The following DNAH10 variants were observed in gnomAD, a reference collection of about 807,000 sequenced individuals.
DNAH10 encodes axonemal beta dynein heavy chain 10.
DNAH10 carries 348 observed loss-of-function variants against 506.6 expected under a neutral mutation model. The ratio of observed to expected loss-of-function variants is 0.69; its 90% confidence interval spans 0.63 to 0.75. DNAH10 has a LOEUF of 0.75. Ranked by LOEUF, DNAH10 falls within the 30% of genes least tolerant of loss-of-function variation. The pLI is 0.00. For synonymous variants in DNAH10, 2,059 were observed against 2,198.6 expected, an observed-to-expected ratio of 0.94 and a Z score of 1.78; for missense variants, 5,179 against 5,787.1, an observed-to-expected ratio of 0.89 and a Z score of 3.41.
intron 24 of DNAH10, among the ~76,000 whole-genome samples, chr12:123,824,465 C>T (rs748454876): frequency 9.9e-5 from 15 of 152,084 alleles, no homozygotes; most frequent in Non-Finnish European, 2.2e-4. Flanking sequence ...ACTGAGCCAC[C>T]AGTTCAGATG....
chr12:123,828,883 T>C (rs538749912), intron 25 of DNAH10, among the ~76,000 whole-genome samples: 1 of 152,224 alleles, frequency 6.6e-6, no homozygotes, highest in South Asian at 2.1e-4. Context: ...TTCGATGTAA[T>C]TTACTGTAAT....
chr12:123,847,335 T>G lies in DNAH10; in HGVS notation c.5815-626T>G, dbSNP rs148742846. ...ATCTATCTATCTATCTATCTATCTA[T>G]CTATCTATCTATCTATCTGGATATT... is the stretch of plus-strand genomic sequence containing the variant. On this transcript the variant is annotated intron_variant, in intron 32 of 78. Transcript: ENST00000673944. Among the ~76,000 whole-genome samples the G allele has an allele frequency of 4.6e-5, 7 of 152,016 alleles. No homozygotes were observed. In the East Asian group the frequency reaches 1.3e-3, roughly 29 times the overall value.
At position 123,877,796 on chromosome 12, in the gene DNAH10, T is replaced by G. The variant is rs777895410; in HGVS notation, c.8260T>G (p.Tyr2754Asp). 5 of 1,613,918 alleles carry G rather than the reference T, an allele frequency of 3.1e-6. No homozygotes were observed. The highest frequency in any genetic ancestry group is 4.2e-6 in the Non-Finnish European group (5 of 1,179,904). Residue 2754 changes from tyrosine (Y) to aspartate (D), a missense_variant, in exon 48 of 79, where the codon TAC (tyrosine) becomes GAC (aspartate). By Grantham distance (160) the Tyr-to-Asp change is radical. Coordinates refer to ENST00000673944, the MANE Select transcript of DNAH10 (RefSeq NM_001372106.1). ...GKLTFCTLALYKNIVQDLPPT... is the reference protein window; with the variant it reads ...GKLTFCTLALDKNIVQDLPPT... ...GCTGACATTCTGCACGCTAGCACTT[T>G]ACAAAAATATTGTGCAAGACCTACC...
rs912649476 is a variant in DNAH10, at chr12:123,762,364, C to G, written c.28C>G (p.Arg10Gly). The G allele has an allele frequency of 7.3e-7, 1 of 1,364,504 alleles. No homozygotes were observed. Among genetic ancestry groups the G allele is most frequent in the African/African-American group, 1.5e-5 (1 of 65,996 alleles). The allele number at this position is 1,364,504 out of a possible 1,614,324, so 84.5% of individuals were successfully genotyped here. ...GGACGACCTGCGGGTGCTGTGGATG[C>G]GCGACCGCGTGTATGCGGCTTTCGG... The part of the protein sequence containing the change: MDDLRVLWM[R>G]DRVYAAFGIT... The change falls in exon 1 of 79, where the codon CGC becomes GGC. Residue 10 changes from arginine to glycine, a missense_variant. Transcript: ENST00000673944. The surrounding 1 kb of genome is among the most constrained non-coding windows in gnomAD (Gnocchi z 5.0).
At chr12:123,889,288 A>G (rs1397650801) in intron 52 of DNAH10, among the ~76,000 whole-genome samples, 1 of 152,194 alleles carries the variant, frequency 6.6e-6, no homozygotes. Context: ...TTGATGTAAA[A>G]TTTACATACA....
chr12:123,813,586 ACTT>A lies in DNAH10; in HGVS notation c.3570_3572del (p.Leu1191del), dbSNP rs1959027749. On this transcript the variant is annotated inframe_deletion, in exon 20 of 79. Coordinates refer to ENST00000673944, the MANE Select transcript of DNAH10 (RefSeq NM_001372106.1). ...AGTCCTGGGTGATTTCGCTTGGAAA[ACTT>A]CTCAATGAGTCAGCAAAAGAGGAGC... The A allele has an allele frequency of 6.2e-7, 1 of 1,614,038 alleles. No homozygotes were observed. Among genetic ancestry groups the A allele is most frequent in the Non-Finnish European group, 8.5e-7 (1 of 1,180,026 alleles).
In DNAH10 at chr12:123,804,728, C is replaced by T. The variant is rs1037067907; in HGVS notation, c.2780-105C>T. Reference sequence around the variant, plus strand: ...TTCTGCTTTGGGCTGAGGTTGGAGGCTGGTTTTGGTTTTTTTAAGACACAC... The same window carrying T: ...TTCTGCTTTGGGCTGAGGTTGGAGGTTGGTTTTGGTTTTTTTAAGACACAC... On this transcript the variant is annotated intron_variant, in intron 17 of 78. Coordinates refer to ENST00000673944, the MANE Select transcript of DNAH10 (RefSeq NM_001372106.1). 3 of 1,055,660 alleles carry T rather than the reference C, an allele frequency of 2.8e-6. No homozygotes were observed. The African/African-American group carries it at 4.8e-5, about 17-fold the overall frequency. The allele number at this position is 1,055,660 out of a possible 1,614,324, so 65.4% of individuals were successfully genotyped here.
intron 17 of DNAH10, 84 bp from the exon 18 acceptor site, chr12:123,804,747 GAC>G: frequency 1.4e-6 from 2 of 1,396,960 alleles, no homozygotes; most frequent in African/African-American, 1.4e-5. Flanking sequence ...GTTTTTTTAA[GAC>G]ACACAGCTCA....
Position 123,933,503 on chromosome 12 carries a change from C to T in DNAH10, c.13469C>T (p.Ala4490Val), listed in dbSNP as rs374117121. 109 of 1,600,642 alleles carry T rather than the reference C, an allele frequency of 6.8e-5. 1 individual carries two copies. In the South Asian group the frequency reaches 8.1e-4, roughly 12 times the overall value. The change falls in exon 77 of 79, where the codon GCG becomes GTG. Residue 4490 changes from alanine to valine, a missense_variant. By Grantham distance (64) the Ala-to-Val change is moderately conservative (BLOSUM62 0). Around this residue, in one of 3 missense-constraint regions of DNAH10, gnomAD observed 4,844 missense variants for 5,430.5 expected, o/e 0.89. Coordinates refer to ENST00000673944, the MANE Select transcript of DNAH10 (RefSeq NM_001372106.1). ...FQDADEVNER[A>V]GQGCFVSGLY... is the part of the protein sequence containing the mutation. Reference sequence around the variant, plus strand: ...GATGCAGATGAAGTGAATGAGCGGGCGGGACAAGGTACCGTCAGCTCGTTA... The same window carrying T: ...GATGCAGATGAAGTGAATGAGCGGGTGGGACAAGGTACCGTCAGCTCGTTA...
chr12:123,797,196 C>T (rs757108605), intron 13 of DNAH10, among the ~76,000 whole-genome samples: 26 of 152,068 alleles, frequency 1.7e-4, no homozygotes, highest in South Asian at 2.1e-4. Context: ...TAATCCTAGA[C>T]TGGCTGCCCT....
intron 1 of DNAH10, among the ~76,000 whole-genome samples, chr12:123,764,670 C>T (rs2135943491): frequency 6.6e-6 from 1 of 152,280 alleles, no homozygotes; most frequent in East Asian, 1.9e-4. Context: ...GAGGGTCCCC[C>T]TGGTTAATTC....
chr12:123,788,555 G>A (rs769181459), intron 10 of DNAH10, among the ~76,000 whole-genome samples: 5 of 152,156 alleles, frequency 3.3e-5, no homozygotes, highest in Admixed American at 6.5e-5. Context: ...AAGCAGGTCC[G>A]GCTGCGGTGT....
intron 37 of DNAH10, among the ~76,000 whole-genome samples, chr12:123,857,739 A>T (rs1291994966): frequency 6.6e-6 from 1 of 152,236 alleles, no homozygotes; most frequent in Non-Finnish European, 1.5e-5. Flanking sequence ...AAAATAAAAG[A>T]AAAAAGAAAA....
chr12:123,851,487 T>G (rs897546325), intron 35 of DNAH10, among the ~76,000 whole-genome samples: 1 of 152,200 alleles, frequency 6.6e-6, no homozygotes, highest in Non-Finnish European at 1.5e-5. Flanking sequence ...AAATTATAAC[T>G]TTTAATTTTG....
intron 54 of DNAH10, among the ~76,000 whole-genome samples, chr12:123,896,156 G>C (rs868846962): frequency 0.16 from 12,618 of 81,034 alleles, 663 homozygotes; most frequent in Non-Finnish European, 0.19. Flanking sequence ...CACAGAGAGA[G>C]AGAGAGAGAG....
intron 48 of DNAH10, 95 bp downstream of exon 48, chr12:123,878,003 CGTT>C (rs1256608774): frequency 1.4e-6 from 2 of 1,415,786 alleles, no homozygotes; most frequent in African/African-American, 1.4e-5. Context: ...TTTGATGAAT[CGTT>C]GTATGAATTA....
At position 123,875,511 on chromosome 12, in the gene DNAH10, A is replaced by G; in HGVS notation, c.8199+20A>G. 6.2e-7 allele frequency: 1 copy of G among 1,612,746 alleles called. No homozygotes were observed. The highest frequency in any genetic ancestry group is 8.5e-7 in the Non-Finnish European group (1 of 1,178,940). ...ACCTCGGTAACTTGATTTTAACTAG[A>G]AGTCTAAACCGGAAGACCTTGTGTT... On this transcript the variant is annotated intron_variant, in intron 47 of 78. Transcript: ENST00000673944.
intron 24 of DNAH10, among the ~76,000 whole-genome samples, chr12:123,826,131 T>A (rs2674507): frequency 0.73 from 109,649 of 149,548 alleles, 40,740 homozygotes; most frequent in East Asian, 0.99. Context: ...CCAAAAAAAA[T>A]AAAAATAATA....
chr12:123,906,918 G>T (rs997237235), intron 57 of DNAH10, among the ~76,000 whole-genome samples: 1 of 152,230 alleles, frequency 6.6e-6, no homozygotes, highest in Non-Finnish European at 1.5e-5. Flanking sequence ...ATTAGAAGTA[G>T]ATGTTTCTCT....
Sources: gnomAD v4.1 joint callset for allele counts (sites outside exome capture counted in the v4.1 genomes callset) on GRCh38, gnomAD v4.1.1 for gene constraint, gnomAD v4.1.1 regional missense constraint, Gnocchi (gnomAD v3.1) non-coding constraint, MANE v1.5 for transcripts, NCBI Gene and HGNC (gene_info 2026-07-23, HGNC 2026-07-21) for gene names.